The following NBEA variants were observed in gnomAD, a reference collection of about 807,000 sequenced individuals.
NBEA encodes the protein neurobeachin, also known as lysosomal-trafficking regulator 2.
A neutral mutation model predicts 343.4 loss-of-function variants in NBEA; 44 were observed. That is an observed-to-expected ratio of 0.13 (90% CI 0.10 to 0.16). The LOEUF is 0.16. Among genes scored for constraint, NBEA ranks in the 10% least tolerant of loss-of-function variants. NBEA has a pLI of 1.00. For synonymous variants in NBEA, 1,175 were observed against 1,238.7 expected (o/e 0.95, Z 1.08); for missense variants, 2,555 against 3,631.3 (o/e 0.70, Z 7.62).
intron 1 of NBEA, among the ~76,000 whole-genome samples, chr13:35,000,582 A>C (rs2061094991): frequency 1.4e-5 from 1 of 69,862 alleles, no homozygotes; most frequent in Non-Finnish European, 2.8e-5. Context: ...TTATATATTT[A>C]TAATATATAT....
chr13:35,405,447 T>C (rs1160901938), intron 38 of NBEA, among the ~76,000 whole-genome samples: 5 of 152,160 alleles, frequency 3.3e-5, no homozygotes, highest in Non-Finnish European at 7.3e-5. Flanking sequence ...TTCTATCAGT[T>C]TTACAAAATC....
chr13:35,189,015 G>A (rs1000994161), intron 30 of NBEA, among the ~76,000 whole-genome samples: 2 of 151,062 alleles, frequency 1.3e-5, no homozygotes, highest in African/African-American at 4.9e-5. Flanking sequence ...CACCTCCCGG[G>A]TTCAAGTGAT....
At chr13:35,044,723 A>G (rs1211182598) in intron 2 of NBEA, among the ~76,000 whole-genome samples, 1 of 151,494 alleles carries the variant, frequency 6.6e-6, no homozygotes, top group African/African-American at 2.4e-5. Flanking sequence ...GGGGAAAATC[A>G]TGTAATTCAA....
chr13:35,030,869 G>A (rs574387852), intron 1 of NBEA, among the ~76,000 whole-genome samples: 1 of 151,628 alleles, frequency 6.6e-6, no homozygotes, highest in African/African-American at 2.4e-5. Flanking sequence ...TTTTGGCTGC[G>A]AAAGATGTAC....
At position 34,965,179 on chromosome 13, in the gene NBEA, A is replaced by C. The variant is rs539624344; in HGVS notation, c.294+22065A>C. Among the ~76,000 whole-genome samples the C allele has an allele frequency of 2.0e-5, 3 of 152,184 alleles. No individual in the cohort carries two copies. In the South Asian group the frequency reaches 6.2e-4, roughly 32 times the overall value. ...TCTAGGTAGTTGATGGGAGCATAGC[A>C]TAGGGATGGTATGCCCAACTCTGAG... On this transcript the variant is annotated intron_variant, in intron 1 of 58. Transcript: ENST00000379939.
intron 6 of NBEA, among the ~76,000 whole-genome samples, chr13:35,051,242 A>G (rs963242382): frequency 1.3e-5 from 2 of 151,970 alleles, no homozygotes; most frequent in Non-Finnish European, 2.9e-5. Context: ...CAGTGAGATT[A>G]TCAACGTTTT....
chr13:34,954,423 A>G (rs374950877), intron 1 of NBEA, among the ~76,000 whole-genome samples: 1 of 152,150 alleles, frequency 6.6e-6, no homozygotes, highest in East Asian at 1.9e-4. Flanking sequence ...TTTACTGTGG[A>G]TATTTTCTCT....
chr13:35,060,389 C>A (rs1191075946), intron 8 of NBEA, among the ~76,000 whole-genome samples: 1 of 151,756 alleles, frequency 6.6e-6, no homozygotes, highest in Non-Finnish European at 1.5e-5. Flanking sequence ...ACACGTCTTT[C>A]TTGTCATTCT....
intron 38 of NBEA, among the ~76,000 whole-genome samples, chr13:35,392,485 T>G (rs887179987): frequency 1.4e-4 from 12 of 85,196 alleles, no homozygotes; most frequent in East Asian, 1.3e-3. Flanking sequence ...GTTTTTTTTG[T>G]TTTTTTTTTT....
intron 41 of NBEA, among the ~76,000 whole-genome samples, chr13:35,531,360 G>T (rs1251438116): frequency 6.6e-6 from 1 of 152,136 alleles, no homozygotes; most frequent in Admixed American, 6.5e-5. Context: ...TTAATTTTTA[G>T]TAGATAGAAC....
At chr13:35,073,275 C>G (rs562530585) in intron 10 of NBEA, among the ~76,000 whole-genome samples, 1 of 152,156 alleles carries the variant, frequency 6.6e-6, no homozygotes, top group South Asian at 2.1e-4. Flanking sequence ...TAGGATTTAT[C>G]ATCTTATTTA....
chr13:35,238,180 A>C (rs1345263200), intron 34 of NBEA, among the ~76,000 whole-genome samples: 1 of 152,232 alleles, frequency 6.6e-6, no homozygotes, highest in Non-Finnish European at 1.5e-5. Context: ...CTAAGAATCC[A>C]GTTTATGTTC....
chr13:35,318,078 T>C lies in NBEA; in HGVS notation c.5903+8486T>C, dbSNP rs148785481. ...CGATTTGACTTTCTCTCTTCCTATTTGAATACGCTTTATTTCTTTCTCTTG... is the reference window on the plus strand; with the variant it reads ...CGATTTGACTTTCTCTCTTCCTATTCGAATACGCTTTATTTCTTTCTCTTG... On this transcript the variant is annotated intron_variant, in intron 36 of 58. Coordinates refer to ENST00000379939, the MANE Select transcript of NBEA (RefSeq NM_001385012.1). Among the ~76,000 whole-genome samples, 1,441 of 151,990 alleles carry C rather than the reference T, an allele frequency of 9.5e-3. 25 individuals are homozygous for C. The highest frequency in any genetic ancestry group is 0.033 in the African/African-American group (1,370 of 41,534).
intron 1 of NBEA, among the ~76,000 whole-genome samples, chr13:34,984,907 G>T (rs1265935689): frequency 1.3e-5 from 2 of 151,078 alleles, no homozygotes; most frequent in Non-Finnish European, 1.5e-5. Context: ...AGACTTTGCT[G>T]AAGTTGCTTA....
chr13:35,150,690 A>G (rs1345786197), intron 18 of NBEA, among the ~76,000 whole-genome samples: 1 of 152,090 alleles, frequency 6.6e-6, no homozygotes, highest in Non-Finnish European at 1.5e-5. Context: ...AATCACCTTA[A>G]TCTCAGCAAT....
At chr13:35,318,975 A>G (rs924510096) in intron 36 of NBEA, among the ~76,000 whole-genome samples, 66 of 151,984 alleles carry the variant, frequency 4.3e-4, no homozygotes, top group African/African-American at 1.5e-3. Context: ...TACTGTGTCT[A>G]TTTGATTCTT....
At chr13:35,560,810 G>A (rs868191732) in intron 44 of NBEA, among the ~76,000 whole-genome samples, 2 of 152,124 alleles carry the variant, frequency 1.3e-5, no homozygotes, top group Non-Finnish European at 2.9e-5. Context: ...GCAATTCTTC[G>A]AGATGGACAT....
chr13:35,177,418 G>T (rs959436246), intron 28 of NBEA, among the ~76,000 whole-genome samples: 8 of 151,746 alleles, frequency 5.3e-5, no homozygotes, highest in African/African-American at 1.7e-4. Flanking sequence ...TGCTCCATTT[G>T]CAGGTACTAA....
intron 35 of NBEA, among the ~76,000 whole-genome samples, chr13:35,302,737 A>G (rs1366081422): frequency 1.3e-5 from 2 of 152,246 alleles, no homozygotes; most frequent in African/African-American, 4.8e-5. Context: ...CTAAACTTCT[A>G]GAATTAAAGT....
Sources: allele counts gnomAD v4.1 joint callset (sites outside exome capture counted in the v4.1 genomes callset), GRCh38; gene constraint gnomAD v4.1.1; transcripts MANE v1.5; gene names NCBI Gene and HGNC (gene_info 2026-07-23, HGNC 2026-07-21).